KIF5A: variants seen among roughly 807,000 people sequenced by gnomAD.
KIF5A encodes kinesin family member 5A, also known as kinesin heavy chain isoform 5A.
Under a neutral mutation model 141.3 loss-of-function variants are expected in KIF5A, and 35 were observed. The observed-to-expected ratio is 0.25, with a 90% CI of 0.19 to 0.33. KIF5A has a LOEUF of 0.33. KIF5A is among the 10% of genes least tolerant of loss of function. KIF5A has a pLI of 1.00. For synonymous variants in KIF5A, 448 were observed against 500.2 expected (o/e 0.90, Z 1.39); for missense variants, 861 against 1,314.3 (o/e 0.66, Z 5.33).
At chr12:57,564,269 A>G in intron 4 of KIF5A, 57 bp downstream of exon 4, 5 of 1,302,880 alleles carry the variant, frequency 3.8e-6, no homozygotes, top group Non-Finnish European at 5.6e-6. Flanking sequence ...GAAGATCTAA[A>G]ATCTTCCCAC....
At chr12:57,553,465 AG>A (rs1353690391) in intron 1 of KIF5A, among the ~76,000 whole-genome samples, 1 of 152,160 alleles carries the variant, frequency 6.6e-6, no homozygotes, top group African/African-American at 2.4e-5. Context: ...AGTGGGGAGC[AG>A]GGCTGTCCTT....
intron 6 of KIF5A, among the ~76,000 whole-genome samples, chr12:57,565,847 A>G (rs1882047893): frequency 6.6e-6 from 1 of 151,496 alleles, no homozygotes; most frequent in Non-Finnish European, 1.5e-5. Flanking sequence ...CTGGTCTCTA[A>G]TTCCTGACCT....
At chr12:57,553,551 T>G (rs1487994439) in intron 1 of KIF5A, among the ~76,000 whole-genome samples, 1 of 152,108 alleles carries the variant, frequency 6.6e-6, no homozygotes, top group Non-Finnish European at 1.5e-5. Context: ...TCTCCAGCAT[T>G]ACCATGGCAA....
chr12:57,573,917 T>TA (rs916128853), intron 15 of KIF5A, among the ~76,000 whole-genome samples: 3 of 150,140 alleles, frequency 2.0e-5, no homozygotes, highest in Admixed American at 6.6e-5. Flanking sequence ...CTGTCTCTAC[T>TA]AAAAAAATAC....
intron 4 of KIF5A, 104 bp downstream of exon 4, chr12:57,564,316 G>T (rs372906511): frequency 9.2e-7 from 1 of 1,086,614 alleles, no homozygotes; most frequent in East Asian, 2.4e-5. Context: ...CTCCCTTTCC[G>T]GTTACCAGAG....
Position 57,563,533 on chromosome 12 carries a change from G to C in KIF5A, c.217+7G>C. 6.2e-7 allele frequency: 1 copy of C among 1,612,810 alleles called. No homozygotes were observed. On this transcript the variant is annotated splice_region_variant and intron_variant, in intron 2 of 28. Transcript: ENST00000455537. ...GCCATGCAGATTGTCAAAGGTAATA[G>C]ATTTCTTTTTAGAATGTCTCTTCTC...
rs775243073 is a variant in KIF5A at position 57,569,072 on chromosome 12, G to A, written c.819+5G>A. On this transcript the variant is annotated splice_donor_5th_base_variant and intron_variant, in intron 9 of 28. Coordinates refer to ENST00000455537, the MANE Select transcript of KIF5A (RefSeq NM_004984.4). ...TCCGCACTGGCTGAGGGCACTGTGA[G>A]TGATCCTTAGGTCCCCTCACCCCTC... 3.1e-6 allele frequency: 5 copies of A among 1,610,354 alleles called. No individual in the cohort carries two copies. The highest frequency in any genetic ancestry group is 4.2e-6 in the Non-Finnish European group (5 of 1,176,916).
Position 57,562,928 on chromosome 12 carries a change from G to A in KIF5A, c.130-511G>A, listed in dbSNP as rs541154103. ...ATCCCCTAACACAATCTCACTGTGC[G>A]ACACTCCTCTACCCCACAGACACAA... On this transcript the variant is annotated intron_variant, in intron 1 of 28. Coordinates refer to ENST00000455537, the MANE Select transcript of KIF5A (RefSeq NM_004984.4). 4.6e-5 allele frequency among the ~76,000 whole-genome samples: 7 copies of A among 151,886 alleles called. No individual in the cohort carries two copies. In the East Asian group the frequency reaches 5.8e-4, roughly 13 times the overall value.
At chr12:57,578,982 T>C (rs1378465730) in intron 23 of KIF5A, among the ~76,000 whole-genome samples, 5 of 151,926 alleles carry the variant, frequency 3.3e-5, no homozygotes, top group Non-Finnish European at 5.9e-5. Flanking sequence ...GGCAATTGCT[T>C]GAGCGCAGGA....
rs750592743 is a variant in KIF5A, at chr12:57,550,261, C to A, written c.-11C>A. 1.2e-6 allele frequency: 2 copies of A among 1,613,962 alleles called. No individual in the cohort carries two copies. Among genetic ancestry groups the A allele is most frequent in the Non-Finnish European group, 1.7e-6 (2 of 1,179,988 alleles). On this transcript the variant is annotated 5_prime_UTR_variant, in exon 1 of 29. Coordinates refer to ENST00000455537, the MANE Select transcript of KIF5A (RefSeq NM_004984.4). The surrounding 1 kb of genome is among the most constrained non-coding windows in gnomAD (Gnocchi z 4.6). ...CCCAAGAAGAGTCCCAGCCCCACGC[C>A]GGCTACCACCATGGCGGAGACCAAC...
At chr12:57,578,195 T>C in intron 22 of KIF5A, 43 bp from the exon 23 acceptor site, 1 of 1,591,646 alleles carries the variant, frequency 6.3e-7, no homozygotes. Context: ...TGGGACCTGT[T>C]TGGCCTCAGG....
chr12:57,568,837 ATC>A (rs1363437532), intron 8 of KIF5A, 124 bp from the exon 9 acceptor site: 3 of 713,154 alleles, frequency 4.2e-6, no homozygotes, highest in Non-Finnish European at 7.6e-6. Flanking sequence ...CCAGCCAAGC[ATC>A]TCTGTTACTC....
chr12:57,561,532 G>C (rs1398611325), intron 1 of KIF5A, among the ~76,000 whole-genome samples: 57 of 151,996 alleles, frequency 3.8e-4, no homozygotes. Flanking sequence ...TTTCACCACA[G>C]AGAGACTGGA....
intron 19 of KIF5A, 107 bp downstream of exon 19, chr12:57,576,485 C>T: frequency 2.3e-6 from 2 of 879,612 alleles, no homozygotes; most frequent in Non-Finnish European, 3.7e-6. Context: ...ATGTGTCATT[C>T]CCTCAACAAT....
Position 57,577,726 on chromosome 12 carries a change from C to T in KIF5A, c.2314C>T (p.Arg772Ter), listed in dbSNP as rs1555178616. Reference protein sequence around the residue: ...KLQELTFLYERHEQSKQDLKG... With the variant: ...KLQELTFLYE Reference sequence around the variant, plus strand: ...CTCTTGCTACAGATTTCTGTACGAGCGACATGAGCAGTCCAAGCAGGACCT... The same window carrying T: ...CTCTTGCTACAGATTTCTGTACGAGTGACATGAGCAGTCCAAGCAGGACCT... The change falls in exon 21 of 29, where the codon CGA becomes TGA. Residue 772 changes from arginine (R) to a stop codon, truncating the protein, a stop_gained. Transcript: ENST00000455537. LOFTEE classifies it high-confidence loss of function. 2 of 1,613,746 alleles carry T rather than the reference C, an allele frequency of 1.2e-6. No individual in the cohort carries two copies. The highest frequency in any genetic ancestry group is 1.7e-6 in the Non-Finnish European group (2 of 1,179,690).
chr12:57,557,478 G>A (rs1025309862), intron 1 of KIF5A, among the ~76,000 whole-genome samples: 5 of 151,764 alleles, frequency 3.3e-5, no homozygotes, highest in Admixed American at 6.6e-5. Context: ...AAAGGACACC[G>A]AAGAAGCTAA....
rs894012845 is a variant in KIF5A, at chr12:57,562,254, C to T, written c.130-1185C>T. Among the ~76,000 whole-genome samples the T allele has an allele frequency of 5.5e-4, 83 of 152,256 alleles. 1 individual carries two copies. Among genetic ancestry groups the T allele is most frequent in the Middle Eastern group, 3.4e-3 (1 of 294 alleles). ...TTTTGAGACGAAGTCTTGCTCTTGTCCCCCAGGCTGGAGTGCAGTGGCGCA... is the reference window on the plus strand; with the variant it reads ...TTTTGAGACGAAGTCTTGCTCTTGTTCCCCAGGCTGGAGTGCAGTGGCGCA... On this transcript the variant is annotated intron_variant, in intron 1 of 28. Coordinates refer to ENST00000455537, the MANE Select transcript of KIF5A (RefSeq NM_004984.4).
At chr12:57,567,704 G>C in intron 8 of KIF5A, 86 bp downstream of exon 8, 1 of 1,418,906 alleles carries the variant, frequency 7.0e-7, no homozygotes, top group Non-Finnish European at 9.3e-7. Context: ...TCTGTCGCCC[G>C]GGCTGGTTTG....
chr12:57,571,048 G>A (rs1271520439), intron 12 of KIF5A, among the ~76,000 whole-genome samples: 6 of 147,998 alleles, frequency 4.1e-5, no homozygotes, highest in Non-Finnish European at 1.5e-5. Context: ...CGATCCTCCC[G>A]CCTTGGCCTT....
Sources: gnomAD v4.1 joint callset for allele counts (sites outside exome capture counted in the v4.1 genomes callset) on GRCh38, gnomAD v4.1.1 for gene constraint, Gnocchi (gnomAD v3.1) non-coding constraint, MANE v1.5 for transcripts, NCBI Gene and HGNC (gene_info 2026-07-23, HGNC 2026-07-21) for gene names.